SBF2: variants seen among roughly 807,000 people sequenced by gnomAD.
The protein encoded by SBF2 is SET binding factor 2.
Under a neutral mutation model 225.2 loss-of-function variants are expected in SBF2, and 112 were observed. That is an observed-to-expected ratio of 0.50 (90% confidence interval 0.43 to 0.58). The LOEUF (loss-of-function observed/expected upper bound fraction) is 0.58, where lower values mean the gene tolerates loss of function less well. SBF2 is among the 20% of genes least tolerant of loss of function. The probability of loss-of-function intolerance (pLI) is 0.00; values close to 1 mark genes in which losing one functional copy is unlikely to be tolerated. For synonymous variants in SBF2, 763 were observed against 773.3 expected, an observed-to-expected ratio of 0.99 and a Z score of 0.22; for missense variants, 1,996 against 2,206.2, an observed-to-expected ratio of 0.90 and a Z score of 1.91.
At chr11:10,081,949 T>G (rs1951385062) in intron 2 of SBF2, among the ~76,000 whole-genome samples, 1 of 151,768 alleles carries the variant, frequency 6.6e-6, no homozygotes, top group Non-Finnish European at 1.5e-5. Flanking sequence ...AATTAAAAAG[T>G]TGATACTTAG....
At chr11:9,916,907 C>T (rs576899067) in intron 16 of SBF2, among the ~76,000 whole-genome samples, 8 of 148,380 alleles carry the variant, frequency 5.4e-5, no homozygotes, top group Non-Finnish European at 1.2e-4. Context: ...TTAATGACAA[C>T]ATAAAATTGG....
At chr11:10,264,403 GA>G (rs1961732551) in intron 1 of SBF2, among the ~76,000 whole-genome samples, 1 of 151,972 alleles carries the variant, frequency 6.6e-6, no homozygotes, top group African/African-American at 2.4e-5. Flanking sequence ...TGCTTGAAAA[GA>G]AAATGGGAGC....
intron 1 of SBF2, among the ~76,000 whole-genome samples, chr11:10,282,541 T>C (rs1451956742): frequency 2.0e-5 from 3 of 152,208 alleles, no homozygotes; most frequent in African/African-American, 7.2e-5. Flanking sequence ...AATTCATTTC[T>C]TCTCCTGAAT....
At chr11:10,205,437 AG>A (rs1336990407) in intron 1 of SBF2, among the ~76,000 whole-genome samples, 1 of 151,954 alleles carries the variant, frequency 6.6e-6, no homozygotes, top group African/African-American at 2.4e-5. Context: ...AGGTGGTAAG[AG>A]GAAAGTAAAC....
intron 1 of SBF2, among the ~76,000 whole-genome samples, chr11:10,226,244 C>T (rs576905359): frequency 2.0e-5 from 3 of 151,964 alleles, no homozygotes; most frequent in Non-Finnish European, 4.4e-5. Context: ...AGAAAATAAA[C>T]GAGTCACAAA....
intron 2 of SBF2, among the ~76,000 whole-genome samples, chr11:10,192,934 T>G (rs1565340356): frequency 6.6e-6 from 1 of 152,224 alleles, no homozygotes; most frequent in Non-Finnish European, 1.5e-5. Flanking sequence ...AGTACTTTAG[T>G]AATCACCTTT....
intron 2 of SBF2, among the ~76,000 whole-genome samples, chr11:10,069,094 C>G (rs1227398476): frequency 6.6e-6 from 1 of 152,116 alleles, no homozygotes; most frequent in African/African-American, 2.4e-5. Context: ...TTGAATAGTA[C>G]AATGAAACCC....
intron 9 of SBF2, among the ~76,000 whole-genome samples, chr11:9,995,955 C>T (rs1947682688): frequency 2.0e-5 from 3 of 151,908 alleles, no homozygotes; most frequent in Non-Finnish European, 2.9e-5. Flanking sequence ...CCACCGCACC[C>T]GGCCGTATGC....
rs145825679 is a variant in SBF2, at chr11:10,118,471, A to G, written c.141+75431T>C. Among the ~76,000 whole-genome samples the G allele has an allele frequency of 1.1e-4, 17 of 152,204 alleles. No individual in the cohort carries two copies. The East Asian group carries it at 3.3e-3, about 29-fold the overall frequency. Reference sequence around the variant, plus strand: ...AGTAATATTTATCAAATTTTGCCCAAAGTAATTTAATTCTGGCTTAGTATC... The same window carrying G: ...AGTAATATTTATCAAATTTTGCCCAGAGTAATTTAATTCTGGCTTAGTATC... On this transcript the variant is annotated intron_variant, in intron 2 of 39. Transcript: ENST00000256190.
intron 2 of SBF2, among the ~76,000 whole-genome samples, chr11:10,047,981 TAAC>T (rs1280321262): frequency 1.3e-5 from 2 of 152,124 alleles, no homozygotes; most frequent in Non-Finnish European, 1.5e-5. Context: ...TTATTATGAA[TAAC>T]AACAACAATA....
intron 16 of SBF2, among the ~76,000 whole-genome samples, chr11:9,903,689 T>C (rs1307508808): frequency 6.6e-6 from 1 of 152,214 alleles, no homozygotes; most frequent in Non-Finnish European, 1.5e-5. Flanking sequence ...CCTAGGACTT[T>C]ATTTATACGC....
chr11:9,916,783 C>T (rs1045298990), intron 16 of SBF2, among the ~76,000 whole-genome samples: 1 of 151,894 alleles, frequency 6.6e-6, no homozygotes, highest in Non-Finnish European at 1.5e-5. Flanking sequence ...TGGGGTCTCA[C>T]TACGTTGTTT....
At chr11:10,236,438 A>G (rs1959078879) in intron 1 of SBF2, among the ~76,000 whole-genome samples, 1 of 152,098 alleles carries the variant, frequency 6.6e-6, no homozygotes, top group East Asian at 1.9e-4. Context: ...ACTCCAGCCT[A>G]GACAACAGAG....
rs187538431 is a variant in SBF2, at chr11:9,823,576, G to A, written c.3793+5780C>T. The stretch of plus-strand genomic sequence containing the variant: ...CTCACAGTGGTATCTAACTCTGGAA[G>A]AATGAAGAGACTCTGTACTGTGAGT... On this transcript the variant is annotated intron_variant, in intron 28 of 39. Transcript: ENST00000256190. 5.3e-5 allele frequency among the ~76,000 whole-genome samples: 8 copies of A among 152,072 alleles called. No individual in the cohort carries two copies. The East Asian group carries it at 1.3e-3, about 26-fold the overall frequency.
intron 17 of SBF2, among the ~76,000 whole-genome samples, chr11:9,888,928 A>T (rs1860566918): frequency 6.6e-6 from 1 of 152,216 alleles, no homozygotes; most frequent in African/African-American, 2.4e-5. Context: ...AGTCAAACGT[A>T]GCATCTTGTA....
intron 16 of SBF2, chr11:9,928,951 C>T (rs912596562): frequency 1.8e-5 from 8 of 449,142 alleles, no homozygotes; most frequent in Non-Finnish European, 3.0e-5. Context: ...GAGTTCAAAA[C>T]GGGTCATAAA....
At position 9,875,997 on chromosome 11, in the gene SBF2, A is replaced by C. The variant is rs140326649; in HGVS notation, c.1930-17601T>G. On this transcript the variant is annotated intron_variant, in intron 17 of 39. Coordinates refer to ENST00000256190, the MANE Select transcript of SBF2 (RefSeq NM_030962.4). The stretch of plus-strand genomic sequence containing the variant: ...CACTAATACATGGGAACGCCAAGAT[A>C]AACGGAAGAAAAGAAACATAACAAA... Among the ~76,000 whole-genome samples the C allele has an allele frequency of 1.8e-4, 27 of 152,188 alleles. No individual in the cohort carries two copies. In the East Asian group the frequency reaches 5.2e-3, roughly 29 times the overall value.
rs117389820 is a variant in SBF2 at position 10,044,929 on chromosome 11, T to C, written c.142-1948A>G. Among the ~76,000 whole-genome samples, 234 of 152,256 alleles carry C rather than the reference T, an allele frequency of 1.5e-3. 3 individuals are homozygous for C. In the East Asian group the frequency reaches 0.043, roughly 28 times the overall value. ...TTTTGCCTGAGTGCTGGTTTCACTT[T>C]GCAGCACCAAGCACTTGTTTCTAAC... On this transcript the variant is annotated intron_variant, in intron 2 of 39. Transcript: ENST00000256190.
chr11:9,928,936 T>G (rs1197248537), intron 16 of SBF2: 1 of 433,944 alleles, frequency 2.3e-6, no homozygotes, highest in Non-Finnish European at 4.4e-6. Context: ...GCAATTTTCT[T>G]GTTCGAGTTC....
Sources: gnomAD v4.1 joint callset for allele counts (sites outside exome capture counted in the v4.1 genomes callset) on GRCh38, gnomAD v4.1.1 for gene constraint, MANE v1.5 for transcripts, NCBI Gene and HGNC (gene_info 2026-07-23, HGNC 2026-07-21) for gene names.